The following IQGAP2 variants were observed in gnomAD, a reference collection of about 807,000 sequenced individuals.
IQGAP2 encodes the protein IQ motif containing GTPase activating protein 2.
In IQGAP2, 173 loss-of-function variants were observed where a neutral mutation model predicts 201.3. The observed-to-expected ratio is 0.86, with a 90% CI of 0.76 to 0.98. The LOEUF is 0.98. Ranked by LOEUF, IQGAP2 falls within the 50% of genes least tolerant of loss-of-function variation. The pLI is 0.00. For missense variants in IQGAP2, 1,687 were observed against 1,864.8 expected, an observed-to-expected ratio of 0.90 and a Z score of 1.76; for synonymous variants, 675 against 673.9, an observed-to-expected ratio of 1.00 and a Z score of -0.03.
In IQGAP2 at chr5:76,652,914, A is replaced by C. The variant is rs1266567877; in HGVS notation, c.2178+81A>C. The C allele has an allele frequency of 3.2e-6, 3 of 925,128 alleles. No individual in the cohort carries two copies. The African/African-American group carries it at 4.9e-5, about 15-fold the overall frequency. The allele number at this position is 925,128 out of a possible 1,614,324, so 57.3% of individuals were successfully genotyped here. ...CATGTTTAATCTGAAAGACAGCTAT[A>C]GAAAGGGAGGGTACATGTGAGCCTT... is the stretch of plus-strand genomic sequence containing the variant. On this transcript the variant is annotated intron_variant, in intron 18 of 35. Coordinates refer to ENST00000274364, the MANE Select transcript of IQGAP2 (RefSeq NM_006633.5).
At chr5:76,686,119 G>A (rs955058165) in intron 30 of IQGAP2, among the ~76,000 whole-genome samples, 6 of 152,162 alleles carry the variant, frequency 3.9e-5, no homozygotes, top group African/African-American at 1.4e-4. Context: ...TTGGAGAAAT[G>A]TCTATTTAAC....
At chr5:76,501,300 A>G (rs1415693694) in intron 2 of IQGAP2, among the ~76,000 whole-genome samples, 1 of 152,178 alleles carries the variant, frequency 6.6e-6, no homozygotes, top group Non-Finnish European at 1.5e-5. Context: ...TCAGTGACTC[A>G]TGCTTGTAAT....
At chr5:76,706,263 T>C (rs891484663) in intron 35 of IQGAP2, among the ~76,000 whole-genome samples, 2 of 152,200 alleles carry the variant, frequency 1.3e-5, no homozygotes, top group African/African-American at 4.8e-5. Flanking sequence ...TAATATTCTT[T>C]TTGCTTCCCC....
intron 2 of IQGAP2, among the ~76,000 whole-genome samples, chr5:76,521,220 G>C (rs1267591908): frequency 6.6e-6 from 1 of 152,092 alleles, no homozygotes; most frequent in African/African-American, 2.4e-5. Flanking sequence ...TATTTGTCCA[G>C]ATCTCCATCT....
Position 76,592,839 on chromosome 5 carries a change from A to C in IQGAP2, c.821A>C (p.Asn274Thr). 1.3e-6 allele frequency: 2 copies of C among 1,597,600 alleles called. No individual in the cohort carries two copies. The highest frequency in any genetic ancestry group is 2.2e-5 in the South Asian group (2 of 90,292). The change falls in exon 9 of 36, where the codon AAT becomes ACT. Residue 274 changes from asparagine to threonine, a missense_variant and splice_region_variant. Physicochemically the swap from Asn to Thr is moderately conservative, Grantham distance 65. Transcript: ENST00000274364. ...KKKEENARLK[N>T]SCISEEERDA... ...ATCAGTGAAGACTTTGTTTTGCAGA[A>C]TAGCTGTATTTCAGAAGAAGAAAGA...
chr5:76,580,269 C>G (rs1399068347), intron 5 of IQGAP2, among the ~76,000 whole-genome samples: 1 of 149,006 alleles, frequency 6.7e-6, no homozygotes, highest in African/African-American at 2.5e-5. Context: ...GAGGGAGACT[C>G]CATCTCAATT....
intron 2 of IQGAP2, among the ~76,000 whole-genome samples, chr5:76,463,720 A>C (rs1754617314): frequency 6.6e-6 from 1 of 152,234 alleles, no homozygotes; most frequent in African/African-American, 2.4e-5. Context: ...GTTTCATGAA[A>C]ATAATTATCA....
chr5:76,559,469 G>A (rs914495316), intron 2 of IQGAP2, among the ~76,000 whole-genome samples: 20 of 152,264 alleles, frequency 1.3e-4, no homozygotes, highest in African/African-American at 4.8e-4. Flanking sequence ...TGTCAACACC[G>A]TCCTCACATG....
chr5:76,561,819 T>C (rs941214502), intron 2 of IQGAP2, among the ~76,000 whole-genome samples: 1 of 152,196 alleles, frequency 6.6e-6, no homozygotes, highest in Admixed American at 6.5e-5. Flanking sequence ...CCAAAAAAGA[T>C]AAGTGTGTTG....
At chr5:76,417,965 T>C (rs1942544832) in intron 1 of IQGAP2, among the ~76,000 whole-genome samples, 1 of 151,128 alleles carries the variant, frequency 6.6e-6, no homozygotes, top group African/African-American at 2.4e-5. Flanking sequence ...TCCCAGCACT[T>C]TGGGAGGCCG....
At position 76,601,000 on chromosome 5, in the gene IQGAP2, C is replaced by T. The variant is rs779102042; in HGVS notation, c.1232+28C>T. 6.2e-6 allele frequency: 10 copies of T among 1,600,980 alleles called. 1 individual carries two copies. The South Asian group carries it at 1.1e-4, about 18-fold the overall frequency. On this transcript the variant is annotated intron_variant, in intron 11 of 35. Transcript: ENST00000274364. ...AAGGAACATTTTCCAAACCTTCTTT[C>T]AATGCAGAAATGCATGTTTGGCAGA...
intron 2 of IQGAP2, among the ~76,000 whole-genome samples, chr5:76,551,434 C>T (rs12519094): frequency 0.063 from 9,530 of 150,492 alleles, 709 homozygotes; most frequent in East Asian, 0.42. Flanking sequence ...AGAGACACTC[C>T]TCACTTCCCA....
chr5:76,526,786 A>G (rs1199830872), intron 2 of IQGAP2, among the ~76,000 whole-genome samples: 1 of 152,212 alleles, frequency 6.6e-6, no homozygotes, highest in African/African-American at 2.4e-5. Flanking sequence ...TGGCTACTCT[A>G]TTAGATTAAG....
Position 76,403,440 on chromosome 5 carries a change from G to A in IQGAP2, c.-106G>A. Reference sequence around the variant, plus strand: ...CTTCGGGCGGCTAGGGGAAATCGGCGAGAGGCGGGATCCGAGCGCGCCGGC... The same window carrying A: ...CTTCGGGCGGCTAGGGGAAATCGGCAAGAGGCGGGATCCGAGCGCGCCGGC... On this transcript the variant is annotated 5_prime_UTR_variant, in exon 1 of 36. Coordinates refer to ENST00000274364, the MANE Select transcript of IQGAP2 (RefSeq NM_006633.5). This position sits in a 1 kb window ranked among gnomAD's most constrained non-coding sequence, Gnocchi z 4.8. 1.2e-6 allele frequency: 1 copy of A among 831,038 alleles called. No homozygotes were observed. The highest frequency in any genetic ancestry group is 1.7e-6 in the Non-Finnish European group (1 of 604,614). The allele number at this position is 831,038 out of a possible 1,614,324, so 51.5% of individuals were successfully genotyped here.
chr5:76,558,300 C>G (rs903484239), intron 2 of IQGAP2, among the ~76,000 whole-genome samples: 2 of 152,154 alleles, frequency 1.3e-5, no homozygotes, highest in African/African-American at 4.8e-5. Flanking sequence ...CCCCCAGCCC[C>G]TACCCCTCAC....
At chr5:76,679,112 T>C (rs1393557173) in intron 28 of IQGAP2, among the ~76,000 whole-genome samples, 1 of 152,240 alleles carries the variant, frequency 6.6e-6, no homozygotes, top group Non-Finnish European at 1.5e-5. Context: ...TTGTGGTACA[T>C]TATCTGTCTT....
rs373172601 is a variant in IQGAP2 at position 76,651,245 on chromosome 5, C to G, written c.2095-1505C>G. On this transcript the variant is annotated intron_variant, in intron 17 of 35. Coordinates refer to ENST00000274364, the MANE Select transcript of IQGAP2 (RefSeq NM_006633.5). ...TTCAGTTCTAGTTGCTTTCTGTTTTCTAGGAACCCTCATAATTTTTATCTC... is the reference window on the plus strand; with the variant it reads ...TTCAGTTCTAGTTGCTTTCTGTTTTGTAGGAACCCTCATAATTTTTATCTC... Among the ~76,000 whole-genome samples, 60 of 152,276 alleles carry G rather than the reference C, an allele frequency of 3.9e-4. No individual in the cohort carries two copies. In the East Asian group the frequency reaches 6.0e-3, roughly 15 times the overall value.
chr5:76,484,228 A>G (rs189367194), intron 2 of IQGAP2, among the ~76,000 whole-genome samples: 201 of 152,270 alleles, frequency 1.3e-3, no homozygotes, highest in Non-Finnish European at 1.7e-3. Flanking sequence ...TAGAGCATGT[A>G]ATTTCATGTG....
intron 2 of IQGAP2, among the ~76,000 whole-genome samples, chr5:76,488,628 A>G (rs934124817): frequency 3.3e-5 from 5 of 152,214 alleles, no homozygotes; most frequent in African/African-American, 1.2e-4. Context: ...CATCTTGTTT[A>G]TGCGAGTCAT....
Sources: gnomAD v4.1 joint callset for allele counts (sites outside exome capture counted in the v4.1 genomes callset) on GRCh38, gnomAD v4.1.1 for gene constraint, Gnocchi (gnomAD v3.1) non-coding constraint, MANE v1.5 for transcripts, NCBI Gene and HGNC (gene_info 2026-07-23, HGNC 2026-07-21) for gene names.